GNPAT: variants seen among roughly 807,000 people sequenced by gnomAD.
The protein encoded by GNPAT is glyceronephosphate O-acyltransferase.
Under a neutral mutation model 78.4 loss-of-function variants are expected in GNPAT, and 30 were observed. The observed-to-expected ratio is 0.38, with a 90% CI of 0.29 to 0.52. The LOEUF is 0.52. GNPAT is among the 20% of genes least tolerant of loss of function. The pLI, the probability that GNPAT is intolerant of heterozygous loss-of-function variation, is 0.84. For missense variants in GNPAT, 714 were observed against 812.2 expected (o/e 0.88, Z 1.47); for synonymous variants, 271 against 281.1 (o/e 0.96, Z 0.36).
At chr1:231,258,784 C>A (rs1685138347) in intron 2 of GNPAT, among the ~76,000 whole-genome samples, 1 of 151,284 alleles carries the variant, frequency 6.6e-6, no homozygotes. Flanking sequence ...TCACCCACCA[C>A]CACACCCAGC....
At chr1:231,247,633 CA>C (rs1684785187) in intron 1 of GNPAT, among the ~76,000 whole-genome samples, 1 of 152,318 alleles carries the variant, frequency 6.6e-6, no homozygotes, top group East Asian at 1.9e-4. Context: ...TACCACCATC[CA>C]CCTTGTTCTT....
chr1:231,247,188 G>A (rs1684773442), intron 1 of GNPAT, among the ~76,000 whole-genome samples: 1 of 151,888 alleles, frequency 6.6e-6, no homozygotes, highest in African/African-American at 2.4e-5. Flanking sequence ...CACTGGATTC[G>A]ACATCGGGTA....
chr1:231,258,872 C>CAA (rs1685142164), intron 2 of GNPAT, among the ~76,000 whole-genome samples: 1 of 151,470 alleles, frequency 6.6e-6, no homozygotes, highest in Non-Finnish European at 1.5e-5. Flanking sequence ...CTCCTGACCT[C>CAA]GTGATCCACC....
At position 231,262,748 on chromosome 1, in the gene GNPAT, C is replaced by T. The variant is rs1558332492; in HGVS notation, c.464C>T (p.Pro155Leu). Residue 155 changes from proline to leucine, a missense_variant, in exon 4 of 16, where the codon CCT becomes CTT. By Grantham distance (98) the Pro-to-Leu change is moderately conservative. Coordinates refer to ENST00000366647, the MANE Select transcript of GNPAT (RefSeq NM_014236.4). ...QKLQRAIQEH[P>L]VVLLPSHRSY... Reference sequence around the variant, plus strand: ...CTACAAAGAGCCATCCAGGAGCATCCTGTTGTTCTGCTGCCTAGTCATCGA... The same window carrying T: ...CTACAAAGAGCCATCCAGGAGCATCTTGTTGTTCTGCTGCCTAGTCATCGA... The T allele has an allele frequency of 6.2e-7, 1 of 1,609,074 alleles. No homozygotes were observed. The highest frequency in any genetic ancestry group is 8.5e-7 in the Non-Finnish European group (1 of 1,175,438).
intron 12 of GNPAT, among the ~76,000 whole-genome samples, chr1:231,274,602 GAA>G (rs1485389051): frequency 6.6e-6 from 1 of 152,198 alleles, no homozygotes; most frequent in Admixed American, 6.5e-5. Context: ...CAACGGGAGA[GAA>G]AGAGTCTGAA....
chr1:231,244,771 T>C (rs538656146), intron 1 of GNPAT, among the ~76,000 whole-genome samples: 2 of 152,328 alleles, frequency 1.3e-5, no homozygotes, highest in East Asian at 1.9e-4. Flanking sequence ...GTTGTATCTA[T>C]AGCATTCGGT....
intron 15 of GNPAT, among the ~76,000 whole-genome samples, chr1:231,276,865 T>G (rs1440368570): frequency 6.6e-6 from 1 of 152,222 alleles, no homozygotes; most frequent in Non-Finnish European, 1.5e-5. Context: ...TTATATTGAA[T>G]GGCGTGATGT....
At chr1:231,266,447 T>C in intron 8 of GNPAT, 40 bp downstream of exon 8, 1 of 1,583,632 alleles carries the variant, frequency 6.3e-7, no homozygotes, top group Non-Finnish European at 8.7e-7. Context: ...GAAATGAGGA[T>C]TAAAATCCAA....
At chr1:231,276,986 G>C (rs768266193) in intron 15 of GNPAT, among the ~76,000 whole-genome samples, 2 of 152,168 alleles carry the variant, frequency 1.3e-5, no homozygotes, top group Non-Finnish European at 2.9e-5. Context: ...ATTTGCGGAA[G>C]ACCAGAATGG....
chr1:231,258,622 ATT>A (rs748666053), intron 2 of GNPAT, among the ~76,000 whole-genome samples: 4 of 73,760 alleles, frequency 5.4e-5, no homozygotes, highest in Non-Finnish European at 9.6e-5. Flanking sequence ...TTTTAATGCA[ATT>A]TTTTTTTTTT....
rs1054508317 is a variant in GNPAT at position 231,241,867 on chromosome 1, A to G, written c.78+411A>G. ...GCCCTGAGATAGCCTGTGGCTCCGC[A>G]CCCCGCCCTATGCTGCTGTTATATT... On this transcript the variant is annotated intron_variant, in intron 1 of 15. Transcript: ENST00000366647. Among the ~76,000 whole-genome samples, 8 of 152,130 alleles carry G rather than the reference A, an allele frequency of 5.3e-5. No individual in the cohort carries two copies. The South Asian group carries it at 1.2e-3, about 24-fold the overall frequency.
At chr1:231,243,955 C>T (rs1332448180) in intron 1 of GNPAT, among the ~76,000 whole-genome samples, 2 of 151,902 alleles carry the variant, frequency 1.3e-5, no homozygotes, top group Admixed American at 1.3e-4. Context: ...GTCACCCAGG[C>T]TGGAGTGTAA....
chr1:231,248,911 T>C (rs1480452180), intron 1 of GNPAT, among the ~76,000 whole-genome samples: 1 of 152,214 alleles, frequency 6.6e-6, no homozygotes, highest in African/African-American at 2.4e-5. Flanking sequence ...TAGTAGGCTA[T>C]ACCATCTGAG....
intron 15 of GNPAT, 49 bp from the exon 16 acceptor site, chr1:231,277,450 G>A (rs768354280): frequency 5.1e-6 from 6 of 1,179,706 alleles, no homozygotes; most frequent in Non-Finnish European, 6.4e-6. Flanking sequence ...GTATGAGGAA[G>A]GGCAAAATCA....
chr1:231,269,238 C>T (rs1422649018), intron 9 of GNPAT, among the ~76,000 whole-genome samples: 1 of 152,038 alleles, frequency 6.6e-6, no homozygotes, highest in East Asian at 1.9e-4. Context: ...TTCACAGAAG[C>T]GACTTTTGAA....
At chr1:231,268,970 T>G (rs1052658159) in intron 9 of GNPAT, among the ~76,000 whole-genome samples, 15 of 151,788 alleles carry the variant, frequency 9.9e-5, no homozygotes. Context: ...ACCAGATAAT[T>G]ATTTGAAGTC....
chr1:231,242,907 T>G (rs1684652927), intron 1 of GNPAT, among the ~76,000 whole-genome samples: 1 of 152,254 alleles, frequency 6.6e-6, no homozygotes, highest in Non-Finnish European at 1.5e-5. Context: ...TTCTCACTAC[T>G]GTTTTGTGAC....
intron 14 of GNPAT, 89 bp downstream of exon 14, chr1:231,275,587 A>T: frequency 1.2e-6 from 1 of 806,032 alleles, no homozygotes; most frequent in Non-Finnish European, 2.2e-6. Flanking sequence ...ATAGAAATGG[A>T]TGATCTAGGA....
At chr1:231,246,688 A>G (rs564171757) in intron 1 of GNPAT, among the ~76,000 whole-genome samples, 1 of 152,246 alleles carries the variant, frequency 6.6e-6, no homozygotes, top group African/African-American at 2.4e-5. Context: ...GGGAAGGCCA[A>G]TTAATGAGCA....
Sources: gnomAD v4.1 joint callset for allele counts (sites outside exome capture counted in the v4.1 genomes callset) on GRCh38, gnomAD v4.1.1 for gene constraint, MANE v1.5 for transcripts, NCBI Gene and HGNC (gene_info 2026-07-23, HGNC 2026-07-21) for gene names.